Variants in DDX41 observed in about 807,000 individuals in gnomAD.
The protein encoded by DDX41 is DEAD-box helicase 41.
In DDX41, 50 loss-of-function variants were observed where a neutral mutation model predicts 78.8. The observed-to-expected ratio is 0.63, with a 90% CI of 0.51 to 0.80. The LOEUF (loss-of-function observed/expected upper bound fraction) is 0.80. Ranked by LOEUF, DDX41 falls within the 30% of genes least tolerant of loss-of-function variation. The pLI is 0.00. For missense variants in DDX41, 633 were observed against 849.2 expected (o/e 0.75, Z 3.16); for synonymous variants, 381 against 321.5 (o/e 1.19, Z -1.98).
In DDX41 at chr5:177,513,912, G is replaced by A. The variant is rs1224817367; in HGVS notation, c.936-65C>T. 9 of 1,532,704 alleles carry A rather than the reference G, an allele frequency of 5.9e-6. No homozygotes were observed. Among genetic ancestry groups the A allele is most frequent in the East Asian group, 2.3e-5 (1 of 44,286 alleles). The allele number at this position is 1,532,704 out of a possible 1,614,324, so 94.9% of individuals were successfully genotyped here. A position where few individuals can be genotyped will look rare whatever the true frequency, so the allele number is the denominator to read the frequency against. On this transcript the variant is annotated intron_variant, in intron 9 of 16. Transcript: ENST00000330503. The surrounding 1 kb of genome is among the most constrained non-coding windows in gnomAD (Gnocchi z 4.6). ...CCTATCACCTATCTAGAGGCAAGCA[G>A]GCACCCTGCATCTGCTCTGCTCTCT...
rs756355310 is a variant in DDX41 at position 177,513,534 on chromosome 5, G to A, written c.1099-50C>T. On this transcript the variant is annotated intron_variant, in intron 10 of 16. Coordinates refer to ENST00000330503, the MANE Select transcript of DDX41 (RefSeq NM_016222.4). The surrounding 1 kb of genome is among the most constrained non-coding windows in gnomAD (Gnocchi z 4.6). ...AAGGGCACACAGGGCTGGGCTGAGG[G>A]GCATGGGGTCTGGGGAAGCTGAGCA... is the stretch of plus-strand genomic sequence containing the variant. The A allele has an allele frequency of 6.2e-7, 1 of 1,613,530 alleles. No individual in the cohort carries two copies. Among genetic ancestry groups the A allele is most frequent in the Non-Finnish European group, 8.5e-7 (1 of 1,179,758 alleles).
Position 177,516,110 on chromosome 5 carries a change from C to A in DDX41, c.373+9G>T. On this transcript the variant is annotated intron_variant, in intron 4 of 16. Coordinates refer to ENST00000330503, the MANE Select transcript of DDX41 (RefSeq NM_016222.4). The stretch of plus-strand genomic sequence containing the variant: ...GTCCACCTTCTCACTATCCTGGCTA[C>A]AACCATACCTCGGCCCTCGGCAACA... 1 of 1,614,084 alleles carries A rather than the reference C, an allele frequency of 6.2e-7. No homozygotes were observed. The highest frequency in any genetic ancestry group is 8.5e-7 in the Non-Finnish European group (1 of 1,180,038).
chr5:177,512,846 C>T lies in DDX41; in HGVS notation c.1333G>A (p.Val445Met), dbSNP rs1287227574. The T allele has an allele frequency of 5.0e-6, 8 of 1,614,060 alleles. No homozygotes were observed. Among genetic ancestry groups the T allele is most frequent in the Admixed American group, 1.7e-5 (1 of 60,024 alleles). Residue 445 changes from valine to methionine, a missense_variant, in exon 13 of 17, where the codon GTG becomes ATG. Physicochemically the swap from Val to Met is conservative, Grantham distance 21. This residue lies in a region of DDX41 where 185 missense variants were observed against 367.4 expected (regional missense o/e 0.50). Coordinates refer to ENST00000330503, the MANE Select transcript of DDX41 (RefSeq NM_016222.4). ...VLIFAEKKAD[V>M]DAIHEYLLLK... ...AGCAGGTACTCGTGGATGGCGTCCA[C>T]GTCTGCCTTCTTCTCTGCAAAGATG... is the stretch of plus-strand genomic sequence containing the variant.
chr5:177,515,145 C>T (rs1277776113), intron 7 of DDX41, 41 bp downstream of exon 7: 1 of 1,613,756 alleles, frequency 6.2e-7, no homozygotes, highest in East Asian at 2.2e-5. Context: ...CTCCCTGTTC[C>T]AGCCCTCCTC....
In DDX41 at chr5:177,515,757, A is replaced by G. The variant is rs1431734476; in HGVS notation, c.499T>C (p.Tyr167His). 1.2e-6 allele frequency: 2 copies of G among 1,614,140 alleles called. No homozygotes were observed. Among genetic ancestry groups the G allele is most frequent in the East Asian group, 2.2e-5 (1 of 44,886 alleles). The change falls in exon 6 of 17, where the codon TAC becomes CAC. Residue 167 changes from tyrosine (Y) to histidine (H), a missense_variant. Physicochemically the swap from Tyr to His is moderately conservative, Grantham distance 83 (BLOSUM62 2). Coordinates refer to ENST00000330503, the MANE Select transcript of DDX41 (RefSeq NM_016222.4). ...EERHERVRKK[Y>H]HILVEGDGIP... ...CCGTCTCCCTCCACCAGGATGTGGT[A>G]TTTCTTCCGCACGCGCTCATGTCGC...
rs772903008 is a variant in DDX41 at position 177,513,848 on chromosome 5, C to A, written c.936-1G>T. On this transcript the variant is annotated splice_acceptor_variant, in intron 9 of 16. Transcript: ENST00000330503. LOFTEE classifies it high-confidence loss of function. This position sits in a 1 kb window ranked among gnomAD's most constrained non-coding sequence, Gnocchi z 4.6. The stretch of plus-strand genomic sequence containing the variant: ...GGTGGCCACCATCATGTGTACACCG[C>A]TGGGGACCAAGGAGAGACCCTGAGG... 1.2e-6 allele frequency: 2 copies of A among 1,613,478 alleles called. No individual in the cohort carries two copies. The highest frequency in any genetic ancestry group is 1.7e-6 in the Non-Finnish European group (2 of 1,179,932).
intron 12 of DDX41, 59 bp from the exon 13 acceptor site, chr5:177,512,935 C>T: frequency 6.2e-7 from 1 of 1,607,814 alleles, no homozygotes; most frequent in Admixed American, 1.7e-5. Context: ...ACCGCACCTC[C>T]CCTGGCACTC....
chr5:177,516,468 C>T lies in DDX41; in HGVS notation c.139-21G>A, dbSNP rs746578393. On this transcript the variant is annotated intron_variant, in intron 2 of 16. Coordinates refer to ENST00000330503, the MANE Select transcript of DDX41 (RefSeq NM_016222.4). ...TGGAGCTGAGGTTCCACCCGGGATC[C>T]ACAGATAGGATGGGCATGGAGTCCA... is the stretch of plus-strand genomic sequence containing the variant. The T allele has an allele frequency of 3.1e-6, 5 of 1,612,314 alleles. No individual in the cohort carries two copies. Among genetic ancestry groups the T allele is most frequent in the Non-Finnish European group, 4.2e-6 (5 of 1,179,968 alleles).
In DDX41 at chr5:177,514,985, G is replaced by A; in HGVS notation, c.729C>T (p.Cys243=). Residue 243 remains cysteine (C), a synonymous_variant, in exon 8 of 17, where the codon TGC becomes TGT. Transcript: ENST00000330503. The surrounding 1 kb of genome is among the most constrained non-coding windows in gnomAD (Gnocchi z 4.2). Reference sequence around the variant, plus strand: ...AGGGTAACCTCTTCTCTTGTTCCAGGCAGAACATGATGACGGGCAACGTGA... The same window carrying A: ...AGGGTAACCTCTTCTCTTGTTCCAGACAGAACATGATGACGGGCAACGTGA... ...LVFTLPVIMF[C]LEQEKRLPFS... 2 of 1,613,828 alleles carry A rather than the reference G, an allele frequency of 1.2e-6. No homozygotes were observed.
Position 177,512,859 on chromosome 5 carries a change from C to CACG in DDX41, c.1319_1320insCGT (p.Glu440delinsAspVal). 1 of 1,614,044 alleles carries CACG rather than the reference C, an allele frequency of 6.2e-7. No individual in the cohort carries two copies. The highest frequency in any genetic ancestry group is 1.1e-5 in the South Asian group (1 of 91,088). On this transcript the variant is annotated protein_altering_variant, in exon 13 of 17. Transcript: ENST00000330503. Reference sequence around the variant, plus strand: ...GGATGGCGTCCACGTCTGCCTTCTTCTCTGCAAAGATGAGTACCTGTCCGG... The same window carrying CACG: ...GGATGGCGTCCACGTCTGCCTTCTTCACGTCTGCAAAGATGAGTACCTGTCCGG...
Position 177,511,695 on chromosome 5 carries a change from C to T in DDX41, c.*96G>A, listed in dbSNP as rs1027277663. On this transcript the variant is annotated 3_prime_UTR_variant, in exon 17 of 17. Coordinates refer to ENST00000330503, the MANE Select transcript of DDX41 (RefSeq NM_016222.4). ...CCTGGCCCATCCCAGGCCAGCTGAG[C>T]TGAAATGCTGATTCTGTCCAGGGGG... 2.6e-6 allele frequency: 4 copies of T among 1,537,566 alleles called. No individual in the cohort carries two copies. The African/African-American group carries it at 5.4e-5, about 21-fold the overall frequency.
chr5:177,512,676 C>A (rs1413404741), intron 13 of DDX41, 31 bp from the exon 14 acceptor site: 1 of 1,613,760 alleles, frequency 6.2e-7, no homozygotes, highest in Non-Finnish European at 8.5e-7. Flanking sequence ...ACTGTCAGAG[C>A]CACCATGGGA....
rs1287091487 is a variant in DDX41, at chr5:177,513,855, C to T, written c.936-8G>A. On this transcript the variant is annotated splice_region_variant and splice_polypyrimidine_tract_variant and intron_variant, in intron 9 of 16. Coordinates refer to ENST00000330503, the MANE Select transcript of DDX41 (RefSeq NM_016222.4). The surrounding 1 kb of genome is among the most constrained non-coding windows in gnomAD (Gnocchi z 4.6). ...ACCATCATGTGTACACCGCTGGGGA[C>T]CAAGGAGAGACCCTGAGGTTGGGGC... is the stretch of plus-strand genomic sequence containing the variant. 2 of 1,613,160 alleles carry T rather than the reference C, an allele frequency of 1.2e-6. No individual in the cohort carries two copies. Among genetic ancestry groups the T allele is most frequent in the Non-Finnish European group, 1.7e-6 (2 of 1,179,736 alleles).
chr5:177,516,903 C>G lies in DDX41; in HGVS notation c.27+16G>C, dbSNP rs112668086. ...ACGCCCGCTCCCACACGCGCGGGGT[C>G]TCGCCTCTCTCCTACCTTCCGTTCG... On this transcript the variant is annotated intron_variant, in intron 1 of 16. Transcript: ENST00000330503. 9,166 of 1,613,320 alleles carry G rather than the reference C, an allele frequency of 5.7e-3. 483 individuals are homozygous for G. The African/African-American group carries it at 0.11, about 19-fold the overall frequency.
Position 177,511,585 on chromosome 5 carries a change from A to G in DDX41, c.*206T>C, listed in dbSNP as rs944097497. The G allele has an allele frequency of 9.0e-6, 6 of 665,988 alleles. No homozygotes were observed. The Admixed American group carries it at 1.8e-4, about 20-fold the overall frequency. The allele number at this position is 665,988 out of a possible 1,614,324, so 41.3% of individuals were successfully genotyped here. A position where few individuals can be genotyped will look rare whatever the true frequency, so the allele number is the denominator to read the frequency against. On this transcript the variant is annotated 3_prime_UTR_variant, in exon 17 of 17. Coordinates refer to ENST00000330503, the MANE Select transcript of DDX41 (RefSeq NM_016222.4). ...AGAGGCAGGGCCAGGGCTGGGCTAGAGGTTTGGGCTTTAATGGCAGCTGGG... is the reference window on the plus strand; with the variant it reads ...AGAGGCAGGGCCAGGGCTGGGCTAGGGGTTTGGGCTTTAATGGCAGCTGGG...
Position 177,511,943 on chromosome 5 carries a change from CA to C in DDX41, c.1733-17del, listed in dbSNP as rs1171013161. 9 of 1,613,134 alleles carry C rather than the reference CA, an allele frequency of 5.6e-6. No individual in the cohort carries two copies. Among genetic ancestry groups the C allele is most frequent in the Non-Finnish European group, 6.8e-6 (8 of 1,179,950 alleles). Reference sequence around the variant, plus strand: ...CCGCGCTCTCCTGGGGGAATGGGGACAGGGGTCAGCCAAGTCAAGGACCAGG... The same window carrying C: ...CCGCGCTCTCCTGGGGGAATGGGGACGGGGTCAGCCAAGTCAAGGACCAGG... On this transcript the variant is annotated splice_polypyrimidine_tract_variant and intron_variant, in intron 16 of 16. Transcript: ENST00000330503.
At position 177,516,134 on chromosome 5, in the gene DDX41, C is replaced by T; in HGVS notation, c.358G>A (p.Val120Ile). The T allele has an allele frequency of 6.2e-7, 1 of 1,614,066 alleles. No individual in the cohort carries two copies. Among genetic ancestry groups the T allele is most frequent in the Non-Finnish European group, 8.5e-7 (1 of 1,180,034 alleles). ...ACAACCATACCTCGGCCCTCGGCAA[C>T]ACTCTCCAGGATCTTCTCTTCTTCC... ...LKEEEKILES[V>I]AEGRALMSVK... is the part of the protein sequence containing the mutation. The change falls in exon 4 of 17, where the codon GTT (valine) becomes ATT (isoleucine). Residue 120 changes from valine (V) to isoleucine (I), a missense_variant. By Grantham distance (29) the Val-to-Ile change is conservative. Transcript: ENST00000330503.
Position 177,512,009 on chromosome 5 carries a change from C to T in DDX41, c.1733-82G>A, listed in dbSNP as rs1020771590. 59 of 1,605,824 alleles carry T rather than the reference C, an allele frequency of 3.7e-5. No homozygotes were observed. The East Asian group carries it at 1.0e-3, about 27-fold the overall frequency. ...CTTCGGGCCCCCCGTTAGGCACCCT[C>T]GGTCCACCGGTTTCACGTTTCTGAC... On this transcript the variant is annotated intron_variant, in intron 16 of 16. Transcript: ENST00000330503.
At chr5:177,516,224 A>G (rs919957174) in intron 3 of DDX41, 31 bp from the exon 4 acceptor site, 1 of 1,614,158 alleles carries the variant, frequency 6.2e-7, no homozygotes, top group Non-Finnish European at 8.5e-7. Flanking sequence ...TGTCAGACAG[A>G]TACCAAAACG....
Sources: gnomAD v4.1 joint callset for allele counts on GRCh38, gnomAD v4.1.1 for gene constraint, gnomAD v4.1.1 regional missense constraint, Gnocchi (gnomAD v3.1) non-coding constraint, MANE v1.5 for transcripts, NCBI Gene and HGNC (gene_info 2026-07-23, HGNC 2026-07-21) for gene names.